The following CACNA1E variants were observed in gnomAD, a reference collection of about 807,000 sequenced individuals.
CACNA1E encodes calcium voltage-gated channel subunit alpha1 E.
Under a neutral mutation model 259.2 loss-of-function variants are expected in CACNA1E, and 40 were observed. The observed-to-expected ratio is 0.15, with a 90% CI of 0.12 to 0.20. The LOEUF is 0.20. CACNA1E is among the 10% of genes least tolerant of loss of function. The pLI, the probability that CACNA1E is intolerant of heterozygous loss-of-function variation, is 1.00. For missense variants in CACNA1E, 1,874 were observed against 3,040.1 expected, an observed-to-expected ratio of 0.62 and a Z score of 9.02; for synonymous variants, 1,104 against 1,138.5, an observed-to-expected ratio of 0.97 and a Z score of 0.61.
intron 2 of CACNA1E, among the ~76,000 whole-genome samples, chr1:181,449,888 T>C (rs1661037098): frequency 6.6e-6 from 1 of 152,174 alleles, no homozygotes; most frequent in Non-Finnish European, 1.5e-5. Flanking sequence ...TTGGGAAATA[T>C]AAGGTATTAT....
At chr1:181,373,590 T>C (rs1176320191) in intron 1 of CACNA1E, among the ~76,000 whole-genome samples, 1 of 147,220 alleles carries the variant, frequency 6.8e-6, no homozygotes, top group East Asian at 2.0e-4. Context: ...CAGGCTGGAG[T>C]GCAGTGGCGC....
At chr1:181,525,513 C>T (rs1275359157) in intron 3 of CACNA1E, among the ~76,000 whole-genome samples, 1 of 152,192 alleles carries the variant, frequency 6.6e-6, no homozygotes, top group Non-Finnish European at 1.5e-5. Context: ...GGTAGTCAGC[C>T]AGCTGAGGCT....
intron 1 of CACNA1E, among the ~76,000 whole-genome samples, chr1:181,404,718 T>G (rs1253028970): frequency 4.6e-5 from 7 of 152,220 alleles, no homozygotes; most frequent in Non-Finnish European, 1.5e-5. Context: ...ATTGTCAAGC[T>G]TCTTTGAACT....
At chr1:181,598,018 CAG>C (rs1309935781) in intron 6 of CACNA1E, among the ~76,000 whole-genome samples, 2 of 152,160 alleles carry the variant, frequency 1.3e-5, no homozygotes, top group African/African-American at 4.8e-5. Context: ...TTAAGGCTTA[CAG>C]AGGTTAAAGG....
chr1:181,568,974 G>A (rs1650128802), intron 3 of CACNA1E, among the ~76,000 whole-genome samples: 1 of 152,156 alleles, frequency 6.6e-6, no homozygotes, highest in Non-Finnish European at 1.5e-5. Context: ...CCTTGTTTCA[G>A]TTTTTCAGAT....
chr1:181,668,693 T>C (rs915080755), intron 7 of CACNA1E: 2 of 152,262 alleles, frequency 1.3e-5, no homozygotes, highest in East Asian at 1.9e-4. Context: ...CATTAATAAG[T>C]ATCTTATTAA....
In CACNA1E at chr1:181,361,159, T is replaced by C. The variant is rs1029812545; in HGVS notation, c.-15+43036T>C. 2.0e-5 allele frequency among the ~76,000 whole-genome samples: 3 copies of C among 152,148 alleles called. No individual in the cohort carries two copies. The East Asian group carries it at 5.8e-4, about 29-fold the overall frequency. ...GGCCTAGACACTGAATCCTCTCTGC[T>C]CCTTTCTGAGGGCTGGGCTTTGAAG... is the stretch of plus-strand genomic sequence containing the variant. On this transcript the variant is annotated intron_variant, in intron 1 of 11. Transcript: ENST00000524607.
chr1:181,449,689 C>A (rs1406634731), intron 2 of CACNA1E, among the ~76,000 whole-genome samples: 1 of 152,204 alleles, frequency 6.6e-6, no homozygotes, highest in Non-Finnish European at 1.5e-5. Flanking sequence ...GGGCTTCTTT[C>A]TGTTGCACTG....
chr1:181,490,408 C>G (rs1033017893), intron 1 of CACNA1E, among the ~76,000 whole-genome samples: 6 of 151,986 alleles, frequency 3.9e-5, no homozygotes, highest in African/African-American at 1.2e-4. Flanking sequence ...TCAAATAGAC[C>G]CATTTGTAAA....
At chr1:181,431,434 G>C (rs1027294692) in intron 2 of CACNA1E, among the ~76,000 whole-genome samples, 16 of 152,202 alleles carry the variant, frequency 1.1e-4, no homozygotes, top group African/African-American at 3.4e-4. Flanking sequence ...TATATTCCAG[G>C]GTGATGGATG....
intron 37 of CACNA1E, among the ~76,000 whole-genome samples, chr1:181,772,607 TTTATC>T (rs1344949966): frequency 2.0e-5 from 3 of 152,212 alleles, no homozygotes; most frequent in South Asian, 2.1e-4. Flanking sequence ...CCTCAGGTAT[TTTATC>T]TTATAAGTAC....
intron 2 of CACNA1E, among the ~76,000 whole-genome samples, chr1:181,477,633 T>C (rs553958443): frequency 4.6e-5 from 7 of 152,310 alleles, no homozygotes; most frequent in African/African-American, 1.7e-4. Flanking sequence ...CTCAGGCACT[T>C]ACATGTCTCT....
At chr1:181,428,166 G>A (rs1246189684) in intron 2 of CACNA1E, among the ~76,000 whole-genome samples, 4 of 152,150 alleles carry the variant, frequency 2.6e-5, no homozygotes, top group Non-Finnish European at 5.9e-5. Context: ...CGGAGGACTG[G>A]CACTTCTCTC....
intron 6 of CACNA1E, among the ~76,000 whole-genome samples, chr1:181,636,594 T>C (rs1657234742): frequency 6.6e-6 from 1 of 152,176 alleles, no homozygotes; most frequent in Non-Finnish European, 1.5e-5. Context: ...TGAAAACTCC[T>C]TGGAGCACCA....
At chr1:181,733,354 C>G in intron 20 of CACNA1E, 83 bp from the exon 21 acceptor site, 1 of 1,250,624 alleles carries the variant, frequency 8.0e-7, no homozygotes, top group East Asian at 2.5e-5. Flanking sequence ...GCCTGAGCTT[C>G]CCCGCCTTCC....
intron 1 of CACNA1E, among the ~76,000 whole-genome samples, chr1:181,336,184 G>T (rs541041725): frequency 6.6e-6 from 1 of 152,296 alleles, no homozygotes; most frequent in South Asian, 2.1e-4. Flanking sequence ...CATTTACTAA[G>T]TGGTGAGATT....
rs1273521904 is a variant in CACNA1E at position 181,721,540 on chromosome 1, G to T, written c.1957-218G>T. Among the ~76,000 whole-genome samples, 9 of 151,928 alleles carry T rather than the reference G, an allele frequency of 5.9e-5. 1 individual carries two copies. On this transcript the variant is annotated intron_variant, in intron 15 of 47. Transcript: ENST00000367573. ...GAGGAACAGAATCTTTCCCTTTGAT[G>T]CTCTCCTTCCATTTTCAATGCCTAA...
intron 6 of CACNA1E, among the ~76,000 whole-genome samples, chr1:181,634,574 G>A (rs1657033899): frequency 6.6e-6 from 1 of 152,054 alleles, no homozygotes; most frequent in Non-Finnish European, 1.5e-5. Flanking sequence ...TATTTCCATC[G>A]AACATGTAGA....
At chr1:181,662,238 T>A (rs1647760616) in intron 7 of CACNA1E, among the ~76,000 whole-genome samples, 1 of 152,154 alleles carries the variant, frequency 6.6e-6, no homozygotes, top group Admixed American at 6.6e-5. Context: ...AGATAAAAAT[T>A]ATTTGAGGAA....
Sources: allele counts gnomAD v4.1 joint callset (sites outside exome capture counted in the v4.1 genomes callset), GRCh38; gene constraint gnomAD v4.1.1; transcripts MANE v1.5; gene names NCBI Gene and HGNC (gene_info 2026-07-23, HGNC 2026-07-21).